WDR72: variants seen among roughly 807,000 people sequenced by gnomAD.
The protein encoded by WDR72 is WD repeat-containing protein 72.
Under a neutral mutation model 124.2 loss-of-function variants are expected in WDR72, and 120 were observed. That is an observed-to-expected ratio of 0.97 (90% confidence interval 0.83 to 1.12). The LOEUF is 1.12. Among genes scored for constraint, WDR72 ranks in the 50% most tolerant of loss-of-function variants. The pLI is 0.00. For missense variants in WDR72, 1,387 were observed against 1,278.8 expected (o/e 1.08, Z -1.29); for synonymous variants, 452 against 441.7 (o/e 1.02, Z -0.29).
At chr15:53,549,168 G>A (rs1456316855) in intron 18 of WDR72, among the ~76,000 whole-genome samples, 2 of 152,220 alleles carry the variant, frequency 1.3e-5, no homozygotes, top group African/African-American at 4.8e-5. Flanking sequence ...GTGCTGGGGA[G>A]AGGAAACAAC....
intron 18 of WDR72, among the ~76,000 whole-genome samples, chr15:53,529,057 T>G (rs1892281154): frequency 6.6e-6 from 1 of 151,196 alleles, no homozygotes; most frequent in Admixed American, 6.6e-5. Context: ...AAAAACTTCT[T>G]ATTAATGCCA....
chr15:53,536,046 A>G (rs959020018), intron 18 of WDR72, among the ~76,000 whole-genome samples: 1 of 152,142 alleles, frequency 6.6e-6, no homozygotes, highest in African/African-American at 2.4e-5. Context: ...CAGTTCACAG[A>G]TTGAGGAGTA....
Position 53,516,064 on chromosome 15 carries a change from A to G in WDR72, c.*1635T>C, listed in dbSNP as rs967288294. 6.6e-6 allele frequency: 1 copy of G among 152,080 alleles called. No individual in the cohort carries two copies. Among genetic ancestry groups the G allele is most frequent in the African/African-American group, 2.4e-5 (1 of 41,434 alleles). The allele number at this position is 152,080 out of a possible 1,614,324, so 9.4% of individuals were successfully genotyped here. A position where few individuals can be genotyped will look rare whatever the true frequency, so the allele number is the denominator to read the frequency against. ...TAACTTGCTACCTTCCTTTATTTTG[A>G]AACTTGTTTGAAGTGGCTTTTGACT... On this transcript the variant is annotated 3_prime_UTR_variant, in exon 20 of 20. Transcript: ENST00000360509.
chr15:53,523,288 T>G lies in WDR72; in HGVS notation c.3183A>C (p.Ser1061=), dbSNP rs1236009302. 7.4e-6 allele frequency: 12 copies of G among 1,613,002 alleles called. No homozygotes were observed. Among genetic ancestry groups the G allele is most frequent in the Non-Finnish European group, 9.3e-6 (11 of 1,179,404 alleles). The change falls in exon 19 of 20, where the codon TCA becomes TCC. Residue 1061 remains serine, a synonymous_variant. Coordinates refer to ENST00000360509, the MANE Select transcript of WDR72 (RefSeq NM_182758.4). ...CCACGTCTTGGAAGTTTGCCGAGTT[T>G]GAGTTGCTGTCATGCTTGACCGGGC... The part of the protein sequence containing the change: ...PVSPVKHDSN[S]NSANFQDVED...
In WDR72 at chr15:53,716,538, G is replaced by C; in HGVS notation, c.339+69C>G. 3.0e-6 allele frequency: 3 copies of C among 989,850 alleles called. No individual in the cohort carries two copies. In the Admixed American group the frequency reaches 5.1e-5, roughly 17 times the overall value. The allele number at this position is 989,850 out of a possible 1,614,324, so 61.3% of individuals were successfully genotyped here. ...ATTCTCCAAAGATGTTTCTTTAGAA[G>C]TGTATTTGCAAATGCCCTAAACAAG... On this transcript the variant is annotated intron_variant, in intron 4 of 19. Transcript: ENST00000360509.
intron 1 of WDR72, among the ~76,000 whole-genome samples, chr15:53,746,059 T>A (rs1175185058): frequency 6.6e-6 from 1 of 152,130 alleles, no homozygotes; most frequent in Non-Finnish European, 1.5e-5. Context: ...TCATCCAGGC[T>A]CCAACATGGC....
chr15:53,687,779 A>G (rs1476278000), intron 13 of WDR72, among the ~76,000 whole-genome samples: 28 of 148,950 alleles, frequency 1.9e-4, no homozygotes, highest in African/African-American at 6.9e-4. Context: ...TTTTAGACCA[A>G]TATCCTTGAT....
intron 18 of WDR72, among the ~76,000 whole-genome samples, chr15:53,553,012 C>T (rs1403830424): frequency 1.3e-5 from 2 of 152,014 alleles, no homozygotes; most frequent in East Asian, 1.9e-4. Context: ...CGGTCAATAT[C>T]ATTTAAATCT....
rs551265048 is a variant in WDR72 at position 53,557,555 on chromosome 15, G to A, written c.3149-34233C>T. Among the ~76,000 whole-genome samples the A allele has an allele frequency of 9.2e-5, 14 of 152,028 alleles. 1 individual carries two copies. Among genetic ancestry groups the A allele is most frequent in the African/African-American group, 2.9e-4 (12 of 41,484 alleles). The stretch of plus-strand genomic sequence containing the variant: ...CGCAAGAAACAATGCCTTGATCTAC[G>A]AGCAATGTATGCCAGAAGGTAGGAA... On this transcript the variant is annotated intron_variant, in intron 18 of 19. Coordinates refer to ENST00000360509, the MANE Select transcript of WDR72 (RefSeq NM_182758.4).
intron 1 of WDR72, among the ~76,000 whole-genome samples, chr15:53,748,098 G>A (rs892426728): frequency 5.3e-5 from 8 of 151,900 alleles, no homozygotes; most frequent in African/African-American, 1.9e-4. Context: ...CAGGTGGTGG[G>A]TTGGGCTGCA....
intron 18 of WDR72, among the ~76,000 whole-genome samples, chr15:53,592,991 C>G (rs996636817): frequency 6.6e-6 from 1 of 151,960 alleles, no homozygotes; most frequent in Non-Finnish European, 1.5e-5. Flanking sequence ...ATATTAAGAC[C>G]TCAAATAAAA....
intron 18 of WDR72, among the ~76,000 whole-genome samples, chr15:53,593,047 A>G (rs533305373): frequency 6.6e-6 from 1 of 152,248 alleles, no homozygotes; most frequent in South Asian, 2.1e-4. Context: ...AAAATAAGAC[A>G]AAATTACAGG....
chr15:53,590,786 A>G (rs936449605), intron 18 of WDR72, among the ~76,000 whole-genome samples: 1 of 152,070 alleles, frequency 6.6e-6, no homozygotes, highest in Non-Finnish European at 1.5e-5. Flanking sequence ...ATCTGTTCCT[A>G]TAGCATTGCT....
Position 53,519,606 on chromosome 15 carries a change from A to T in WDR72, c.3254-1852T>A, listed in dbSNP as rs185961996. On this transcript the variant is annotated intron_variant, in intron 19 of 19. Transcript: ENST00000360509. Reference sequence around the variant, plus strand: ...CGAAGACAAGACACTACTCAGAGACACTTTTCCCTATCAGACAAGACCTCC... The same window carrying T: ...CGAAGACAAGACACTACTCAGAGACTCTTTTCCCTATCAGACAAGACCTCC... Among the ~76,000 whole-genome samples the T allele has an allele frequency of 3.2e-3, 484 of 152,228 alleles. 10 individuals carry two copies. The highest frequency in any genetic ancestry group is 1.5e-3 in the Non-Finnish European group (100 of 67,986).
intron 18 of WDR72, among the ~76,000 whole-genome samples, chr15:53,527,035 G>A (rs540217230): frequency 6.6e-6 from 1 of 152,138 alleles, no homozygotes; most frequent in Non-Finnish European, 1.5e-5. Context: ...AACTTCGTAT[G>A]GATGTGTTTC....
At chr15:53,599,353 T>C (rs200799635) in intron 17 of WDR72, among the ~76,000 whole-genome samples, 1 of 152,172 alleles carries the variant, frequency 6.6e-6, no homozygotes, top group Non-Finnish European at 1.5e-5. Flanking sequence ...ATGTGGATGA[T>C]GTGGTAGAAA....
At position 53,716,637 on chromosome 15, in the gene WDR72, A is replaced by G. The variant is rs1247014429; in HGVS notation, c.309T>C (p.Ala103=). 1 of 1,609,752 alleles carries G rather than the reference A, an allele frequency of 6.2e-7. No homozygotes were observed. The highest frequency in any genetic ancestry group is 1.3e-5 in the African/African-American group (1 of 74,878). The stretch of plus-strand genomic sequence containing the variant: ...TTGCAGTGTGCCTGTAAGGAAGTGT[A>G]GCCTTCTCCATGCACTGTCCATTGG... ...NVTNGQCMEK[A]TLPYRHTAIC... Residue 103 remains alanine, a synonymous_variant, in exon 4 of 20, where the codon GCT becomes GCC. Transcript: ENST00000360509.
intron 14 of WDR72, among the ~76,000 whole-genome samples, chr15:53,620,739 C>A (rs773235719): frequency 6.6e-6 from 1 of 151,982 alleles, no homozygotes; most frequent in Non-Finnish European, 1.5e-5. Flanking sequence ...TCAGCCTAGG[C>A]AAGGATTTCA....
chr15:53,528,808 A>G (rs1176040612), intron 18 of WDR72, among the ~76,000 whole-genome samples: 1 of 152,014 alleles, frequency 6.6e-6, no homozygotes, highest in Admixed American at 6.6e-5. Context: ...AGAGGTATCA[A>G]TTGCTTACGG....
Sources: allele counts gnomAD v4.1 joint callset (sites outside exome capture counted in the v4.1 genomes callset), GRCh38; gene constraint gnomAD v4.1.1; transcripts MANE v1.5; gene names NCBI Gene and HGNC (gene_info 2026-07-23, HGNC 2026-07-21).